The following FN1 variants were observed in gnomAD, a reference collection of about 807,000 sequenced individuals.
The protein encoded by FN1 is fibronectin.
A neutral mutation model predicts 297.3 loss-of-function variants in FN1; 106 were observed. The ratio of observed to expected loss-of-function variants is 0.36; its 90% CI spans 0.30 to 0.42. The LOEUF (loss-of-function observed/expected upper bound fraction) is 0.42. Ranked by LOEUF, FN1 falls within the 10% of genes least tolerant of loss-of-function variation. The pLI is 1.00. For synonymous variants in FN1, 1,149 were observed against 1,152.6 expected (o/e 1.00, Z 0.06); for missense variants, 2,690 against 3,124.9 (o/e 0.86, Z 3.32).
chr2:215,373,671 C>CT (rs58966623), intron 38 of FN1, among the ~76,000 whole-genome samples: 1,555 of 125,294 alleles, frequency 0.012, 62 homozygotes, highest in Non-Finnish European at 0.017. Flanking sequence ...CCAGGGTATT[C>CT]TTTTTTTTTT....
intron 37 of FN1, 88 bp downstream of exon 37, chr2:215,375,541 A>G: frequency 8.0e-7 from 1 of 1,247,754 alleles, no homozygotes. Flanking sequence ...CTATAATACA[A>G]AAATATACGC....
At chr2:215,405,000 GCT>G (rs2061590710) in intron 19 of FN1, among the ~76,000 whole-genome samples, 1 of 152,210 alleles carries the variant, frequency 6.6e-6, no homozygotes, top group Non-Finnish European at 1.5e-5. Context: ...TTCACAGTTA[GCT>G]CTGAGCCAAA....
At position 215,435,714 on chromosome 2, in the gene FN1, T is replaced by C; in HGVS notation, c.89A>G (p.Lys30Arg). Residue 30 changes from lysine to arginine, a missense_variant, in exon 1 of 46, where the codon AAG becomes AGG. Transcript: ENST00000354785. ...CTGAACCATTTGCTGAGCCTGCCTC[T>C]TGCTCTTCGAGGCTCCCGTGGAGGG... is the stretch of plus-strand genomic sequence containing the variant. ...AVPSTGASKS[K>R]RQAQQMVQPQ... is the part of the protein sequence containing the mutation. The C allele has an allele frequency of 6.2e-7, 1 of 1,612,282 alleles. No homozygotes were observed. The highest frequency in any genetic ancestry group is 1.3e-5 in the African/African-American group (1 of 75,018).
chr2:215,365,012 C>A (rs748069072), intron 43 of FN1, 27 bp from the exon 44 acceptor site: 2 of 1,403,484 alleles, frequency 1.4e-6, no homozygotes, highest in South Asian at 1.2e-5. Flanking sequence ...GACAGATGCA[C>A]GCATAAGCTG....
chr2:215,430,490 A>C (rs1483085701), intron 5 of FN1, among the ~76,000 whole-genome samples: 2 of 152,208 alleles, frequency 1.3e-5, no homozygotes, highest in African/African-American at 4.8e-5. Flanking sequence ...TGTCAGTGGC[A>C]GTGAGCTGAG....
chr2:215,425,153 T>C lies in FN1; in HGVS notation c.977A>G (p.Gln326Arg), dbSNP rs1163245990. Residue 326 changes from glutamine to arginine, a missense_variant, in exon 7 of 46, where the codon CAA becomes CGA. Physicochemically the swap from Gln to Arg is conservative, Grantham distance 43 (BLOSUM62 1). Coordinates refer to ENST00000354785, the MANE Select transcript of FN1 (RefSeq NM_212482.4). ...CGTGCAAAGCATTTGCTTATTTCCT[T>C]GTGTCTTCAGCCACTGCATCCCCAC... ...YSVGMQWLKT[Q>R]GNKQMLCTCL... The C allele has an allele frequency of 3.1e-6, 5 of 1,614,168 alleles. No individual in the cohort carries two copies. The South Asian group carries it at 4.4e-5, about 14-fold the overall frequency.
intron 42 of FN1, among the ~76,000 whole-genome samples, chr2:215,366,629 C>T (rs1306473936): frequency 6.6e-6 from 1 of 152,176 alleles, no homozygotes; most frequent in African/African-American, 2.4e-5. Flanking sequence ...ACCTCAGAAG[C>T]TTATATAACA....
intron 38 of FN1, among the ~76,000 whole-genome samples, chr2:215,374,739 T>A (rs778927705): frequency 6.6e-6 from 1 of 152,230 alleles, no homozygotes; most frequent in Non-Finnish European, 1.5e-5. Flanking sequence ...AGACAACTCT[T>A]ATTCCCCATT....
intron 35 of FN1, 51 bp downstream of exon 35, chr2:215,378,124 A>G (rs1280072962): frequency 9.0e-7 from 1 of 1,111,714 alleles, no homozygotes; most frequent in Non-Finnish European, 1.4e-6. Flanking sequence ...CCATTCTTTA[A>G]TTTTTGTCTA....
At chr2:215,399,464 G>A (rs1387803094) in intron 20 of FN1, 113 bp from the exon 21 acceptor site, 4 of 748,474 alleles carry the variant, frequency 5.3e-6, no homozygotes, top group Non-Finnish European at 7.2e-6. Flanking sequence ...GCAGTGGATA[G>A]AGGATGTAAC....
intron 22 of FN1, 66 bp downstream of exon 22, chr2:215,397,614 A>G: frequency 3.0e-6 from 4 of 1,352,800 alleles, no homozygotes; most frequent in Non-Finnish European, 3.2e-6. Flanking sequence ...TGATATTGAC[A>G]CTAGCTTTTT....
chr2:215,397,235 G>T lies in FN1; in HGVS notation c.3518-12C>A, dbSNP rs1214514451. ...TGGTGGAGACAATGCTATGCAGAAA[G>T]AACATTTTAAAAGTCAAAGCTGACA... On this transcript the variant is annotated splice_polypyrimidine_tract_variant and intron_variant, in intron 22 of 45. Coordinates refer to ENST00000354785, the MANE Select transcript of FN1 (RefSeq NM_212482.4). 1 of 1,600,952 alleles carries T rather than the reference G, an allele frequency of 6.2e-7. No individual in the cohort carries two copies. Among genetic ancestry groups the T allele is most frequent in the Non-Finnish European group, 8.6e-7 (1 of 1,168,106 alleles).
intron 38 of FN1, among the ~76,000 whole-genome samples, chr2:215,373,888 T>A (rs1220435250): frequency 3.9e-5 from 6 of 152,086 alleles, no homozygotes. Flanking sequence ...TTCACCGTGT[T>A]AGCCAGGATG....
In FN1 at chr2:215,384,956, G is replaced by C; in HGVS notation, c.4633C>G (p.Leu1545Val). ...QSTVSDVPRD[L>V]EVVAATPTSL... Reference sequence around the variant, plus strand: ...GTGGGGGTCGCAGCAACAACTTCCAGGTCCCTCGGAACATCAGAAACTAGA... The same window carrying C: ...GTGGGGGTCGCAGCAACAACTTCCACGTCCCTCGGAACATCAGAAACTAGA... The change falls in exon 29 of 46, where the codon CTG becomes GTG. Residue 1545 changes from leucine to valine, a missense_variant. By Grantham distance (32) the Leu-to-Val change is conservative. Coordinates refer to ENST00000354785, the MANE Select transcript of FN1 (RefSeq NM_212482.4). The C allele has an allele frequency of 6.2e-7, 1 of 1,613,458 alleles. No homozygotes were observed. Among genetic ancestry groups the C allele is most frequent in the Non-Finnish European group, 8.5e-7 (1 of 1,179,608 alleles).
intron 26 of FN1, among the ~76,000 whole-genome samples, chr2:215,390,743 C>T (rs1029303018): frequency 6.6e-6 from 1 of 152,090 alleles, no homozygotes; most frequent in Non-Finnish European, 1.5e-5. Context: ...ATATTCTTGC[C>T]CTCAGCCACA....
chr2:215,405,904 A>T (rs1263095403), intron 19 of FN1, among the ~76,000 whole-genome samples: 1 of 152,172 alleles, frequency 6.6e-6, no homozygotes, highest in Non-Finnish European at 1.5e-5. Context: ...TTCTACTCTA[A>T]GTGTTATGAT....
At chr2:215,364,261 A>C (rs543203853) in intron 44 of FN1, 154 of 175,650 alleles carry the variant, frequency 8.8e-4, no homozygotes, top group Admixed American at 1.8e-3. Flanking sequence ...GTTCTGAATC[A>C]AGAGAGAGGT....
chr2:215,434,832 T>G lies in FN1; in HGVS notation c.149-8A>C. On this transcript the variant is annotated splice_polypyrimidine_tract_variant and splice_region_variant and intron_variant, in intron 1 of 45. Transcript: ENST00000354785. ...CATTGTCATAACAACCGGCTGCAAA[T>G]AATTGAAGGAAAACGTTACATTTGC... 6 of 1,587,558 alleles carry G rather than the reference T, an allele frequency of 3.8e-6. No homozygotes were observed. Among genetic ancestry groups the G allele is most frequent in the Non-Finnish European group, 5.1e-6 (6 of 1,171,374 alleles).
At chr2:215,365,966 ATTTTTTTTT>A (rs559516647) in intron 42 of FN1, among the ~76,000 whole-genome samples, 3 of 90,338 alleles carry the variant, frequency 3.3e-5, no homozygotes, top group African/African-American at 4.7e-5. Context: ...CCACAGTGCT[ATTTTTTTTT>A]TTTTTTTTTT....
Sources: gnomAD v4.1 joint callset for allele counts (sites outside exome capture counted in the v4.1 genomes callset) on GRCh38, gnomAD v4.1.1 for gene constraint, MANE v1.5 for transcripts, NCBI Gene and HGNC (gene_info 2026-07-23, HGNC 2026-07-21) for gene names.